Variants in PCDHGB7 observed in about 807,000 individuals in gnomAD.
PCDHGB7 encodes protocadherin gamma subfamily B, 7, also known as protocadherin gamma-B7.
PCDHGB7 carries 37 observed loss-of-function variants against 61.4 expected under a neutral mutation model. That is an observed-to-expected ratio of 0.60 (90% CI 0.46 to 0.79). The LOEUF is 0.79. Ranked by LOEUF, PCDHGB7 falls within the 30% of genes least tolerant of loss-of-function variation. PCDHGB7 has a pLI of 0.00. For synonymous variants in PCDHGB7, 464 were observed against 503.5 expected (o/e 0.92, Z 1.05); for missense variants, 1,166 against 1,202.5 (o/e 0.97, Z 0.45).
chr5:141,498,065 G>C (rs1197771947), intron 2 of PCDHGB7, among the ~76,000 whole-genome samples: 1 of 152,220 alleles, frequency 6.6e-6, no homozygotes, highest in Non-Finnish European at 1.5e-5. Context: ...GACTGAAACT[G>C]TCATAAGTGC....
Position 141,489,980 on chromosome 5 carries a change from T to G in PCDHGB7, c.2416-4827T>G, listed in dbSNP as rs2099694325. 1.2e-6 allele frequency: 2 copies of G among 1,614,204 alleles called. No individual in the cohort carries two copies. The highest frequency in any genetic ancestry group is 1.7e-6 in the Non-Finnish European group (2 of 1,180,012). On this transcript the variant is annotated intron_variant, in intron 1 of 3. Transcript: ENST00000398594. This position sits in a 1 kb window ranked among gnomAD's most constrained non-coding sequence, Gnocchi z 4.5. ...GCTCCAACCTTCCAATCCTCAGTTC[T>G]ACGTGTGGGAATCCCAGAGAATGCA...
chr5:141,491,763 T>C lies in PCDHGB7; in HGVS notation c.2416-3044T>C. 1 of 1,570,222 alleles carries C rather than the reference T, an allele frequency of 6.4e-7. No homozygotes were observed. Among genetic ancestry groups the C allele is most frequent in the Non-Finnish European group, 8.6e-7 (1 of 1,159,286 alleles). Reference sequence around the variant, plus strand: ...GCGGCACTGGAGAAGCCGCCCGTCCTCATAAGGGATTGAACTTGCATCCAC... The same window carrying C: ...GCGGCACTGGAGAAGCCGCCCGTCCCCATAAGGGATTGAACTTGCATCCAC... On this transcript the variant is annotated intron_variant, in intron 1 of 3. Coordinates refer to ENST00000398594, the MANE Select transcript of PCDHGB7 (RefSeq NM_018927.4). The surrounding 1 kb of genome is among the most constrained non-coding windows in gnomAD (Gnocchi z 6.9).
chr5:141,461,167 C>T (rs917796588), intron 1 of PCDHGB7, among the ~76,000 whole-genome samples: 2 of 151,968 alleles, frequency 1.3e-5, no homozygotes, highest in Non-Finnish European at 2.9e-5. Context: ...AGTGGGATTG[C>T]TGGATTGAAT....
chr5:141,450,675 CG>C (rs2098689980), intron 1 of PCDHGB7, among the ~76,000 whole-genome samples: 1 of 151,614 alleles, frequency 6.6e-6, no homozygotes, highest in Non-Finnish European at 1.5e-5. Flanking sequence ...TTAGTAGAAA[CG>C]GGGTTTTGCC....
rs1399367534 is a variant in PCDHGB7 at position 141,487,098 on chromosome 5, A to G, written c.2416-7709A>G. 6.2e-7 allele frequency: 1 copy of G among 1,613,778 alleles called. No homozygotes were observed. The highest frequency in any genetic ancestry group is 8.5e-7 in the Non-Finnish European group (1 of 1,179,788). On this transcript the variant is annotated intron_variant, in intron 1 of 3. Transcript: ENST00000398594. The surrounding 1 kb of genome is among the most constrained non-coding windows in gnomAD (Gnocchi z 5.0). ...ATCCCAGCTGACCTCCCACCACAGA[A>G]GCTGGTCATTGTGGTAAAGGATAGT...
At position 141,511,199 on chromosome 5, in the gene PCDHGB7, G is replaced by C. The variant is rs1303066281; in HGVS notation, c.*26G>C. On this transcript the variant is annotated 3_prime_UTR_variant, in exon 4 of 4. Coordinates refer to ENST00000398594, the MANE Select transcript of PCDHGB7 (RefSeq NM_018927.4). The stretch of plus-strand genomic sequence containing the variant: ...CATGGAGGCCAGGCCAAGAGCCACA[G>C]GGCGGCCTCTCCCCAACCAGCCCAG... 6.2e-6 allele frequency: 10 copies of C among 1,612,868 alleles called. No individual in the cohort carries two copies. In the East Asian group the frequency reaches 2.2e-4, roughly 36 times the overall value.
Position 141,418,592 on chromosome 5 carries a change from G to A in PCDHGB7, c.733G>A (p.Asp245Asn), listed in dbSNP as rs772314584. ...ANDNPPVFSQ[D>N]VYRVSLREDV... Reference sequence around the variant, plus strand: ...TGACAACCCCCCAGTGTTCAGCCAGGACGTGTACAGGGTTAGCCTTCGGGA... The same window carrying A: ...TGACAACCCCCCAGTGTTCAGCCAGAACGTGTACAGGGTTAGCCTTCGGGA... The change falls in exon 1 of 4, where the codon GAC (aspartate) becomes AAC (asparagine). Residue 245 changes from aspartate (D) to asparagine (N), a missense_variant. Transcript: ENST00000398594. 18 of 1,614,020 alleles carry A rather than the reference G, an allele frequency of 1.1e-5. No homozygotes were observed. The highest frequency in any genetic ancestry group is 1.5e-5 in the Non-Finnish European group (18 of 1,179,902).
chr5:141,423,150 G>A, intron 1 of PCDHGB7: 1 of 1,613,538 alleles, frequency 6.2e-7, no homozygotes, highest in Non-Finnish European at 8.5e-7. Flanking sequence ...CGCTCAAGCA[G>A]AGCCTCGTGG....
intron 1 of PCDHGB7, chr5:141,433,070 C>T: frequency 6.2e-7 from 1 of 1,614,174 alleles, no homozygotes; most frequent in Non-Finnish European, 8.5e-7. Flanking sequence ...CCTGATCTTC[C>T]CCCAGCCCAA....
intron 1 of PCDHGB7, among the ~76,000 whole-genome samples, chr5:141,461,001 A>C (rs1309762345): frequency 6.7e-6 from 1 of 150,320 alleles, no homozygotes; most frequent in Admixed American, 6.7e-5. Context: ...ATATATGTGT[A>C]TATATATATA....
At position 141,487,370 on chromosome 5, in the gene PCDHGB7, T is replaced by C; in HGVS notation, c.2416-7437T>C. 6.2e-7 allele frequency: 1 copy of C among 1,614,232 alleles called. No individual in the cohort carries two copies. Among genetic ancestry groups the C allele is most frequent in the South Asian group, 1.1e-5 (1 of 91,080 alleles). On this transcript the variant is annotated intron_variant, in intron 1 of 3. Transcript: ENST00000398594. The surrounding 1 kb of genome is among the most constrained non-coding windows in gnomAD (Gnocchi z 5.0). ...ATGCTTTCCTGCTGGCACCTGTGCC[T>C]GTCTCACCAGATCTCGAAGGAGGGA... is the stretch of plus-strand genomic sequence containing the variant.
rs201409669 is a variant in PCDHGB7 at position 141,490,703 on chromosome 5, G to A, written c.2416-4104G>A. The stretch of plus-strand genomic sequence containing the variant: ...GATCCAGACACTGGGGATAATGCCC[G>A]CCTCACCTACTCCATTGTAGGAAAT... On this transcript the variant is annotated intron_variant, in intron 1 of 3. Coordinates refer to ENST00000398594, the MANE Select transcript of PCDHGB7 (RefSeq NM_018927.4). This position sits in a 1 kb window ranked among gnomAD's most constrained non-coding sequence, Gnocchi z 5.4. 2.6e-4 allele frequency: 421 copies of A among 1,614,106 alleles called. No homozygotes were observed. Among genetic ancestry groups the A allele is most frequent in the Middle Eastern group, 6.6e-4 (4 of 6,062 alleles).
In PCDHGB7 at chr5:141,417,932, T is replaced by A. The variant is rs1398348549; in HGVS notation, c.73T>A (p.Phe25Ile). The part of the protein sequence containing the change: ...QVLFPLLLPL[F>I]YPTLCEPIRY... Reference sequence around the variant, plus strand: ...ACTATTTCCTTTGCTGCTGCCTTTGTTCTACCCCACGCTGTGTGAGCCGAT... The same window carrying A: ...ACTATTTCCTTTGCTGCTGCCTTTGATCTACCCCACGCTGTGTGAGCCGAT... The change falls in exon 1 of 4, where the codon TTC becomes ATC. Residue 25 changes from phenylalanine (F) to isoleucine (I), a missense_variant. By Grantham distance (21) the Phe-to-Ile change is conservative. Coordinates refer to ENST00000398594, the MANE Select transcript of PCDHGB7 (RefSeq NM_018927.4). The A allele has an allele frequency of 1.2e-6, 2 of 1,611,670 alleles. No homozygotes were observed. Among genetic ancestry groups the A allele is most frequent in the East Asian group, 4.5e-5 (2 of 44,862 alleles).
chr5:141,421,443 G>A (rs1561793987), intron 1 of PCDHGB7: 4 of 1,614,106 alleles, frequency 2.5e-6, no homozygotes, highest in Non-Finnish European at 2.5e-6. Flanking sequence ...CCAGAGGGAA[G>A]ACACAGCTTT....
At chr5:141,504,364 G>A (rs764741297) in intron 2 of PCDHGB7, among the ~76,000 whole-genome samples, 2 of 152,116 alleles carry the variant, frequency 1.3e-5, no homozygotes, top group African/African-American at 2.4e-5. Flanking sequence ...GCTTCAGTAG[G>A]AAGCAGGTGG....
chr5:141,447,954 C>T (rs927510517), intron 1 of PCDHGB7, among the ~76,000 whole-genome samples: 11 of 151,814 alleles, frequency 7.2e-5, no homozygotes, highest in Non-Finnish European at 1.2e-4. Flanking sequence ...GGCATGGTGG[C>T]GGACACCTAT....
intron 1 of PCDHGB7, among the ~76,000 whole-genome samples, chr5:141,482,356 G>A (rs1330274684): frequency 6.6e-6 from 1 of 152,118 alleles, no homozygotes; most frequent in Non-Finnish European, 1.5e-5. Flanking sequence ...TGTTGTGAGA[G>A]TGAAAAGTAA....
rs765756193 is a variant in PCDHGB7, at chr5:141,511,105, C to T, written c.2722C>T (p.Arg908Trp). The T allele has an allele frequency of 2.8e-5, 46 of 1,614,196 alleles. No individual in the cohort carries two copies. In the East Asian group the frequency reaches 3.1e-4, roughly 11 times the overall value. Residue 908 changes from arginine to tryptophan, a missense_variant, in exon 4 of 4, where the codon CGG becomes TGG. Transcript: ENST00000398594. ...CACACTGACCAACGCAGCTGGCAAG[C>T]GGGATGGCAAGGCCCCAGCAGGTGG... ...NATLTNAAGK[R>W]DGKAPAGGNG...
chr5:141,487,041 G>T lies in PCDHGB7; in HGVS notation c.2416-7766G>T, dbSNP rs149314216. Reference sequence around the variant, plus strand: ...GATCCCAGCCTGTTTGCAGTCTCTCGATATGCTGGGGAGGTGCGGACGGCT... The same window carrying T: ...GATCCCAGCCTGTTTGCAGTCTCTCTATATGCTGGGGAGGTGCGGACGGCT... On this transcript the variant is annotated intron_variant, in intron 1 of 3. Transcript: ENST00000398594. This position sits in a 1 kb window ranked among gnomAD's most constrained non-coding sequence, Gnocchi z 5.0. 6.2e-7 allele frequency: 1 copy of T among 1,614,132 alleles called. No homozygotes were observed. The highest frequency in any genetic ancestry group is 8.5e-7 in the Non-Finnish European group (1 of 1,180,030).
Sources: allele counts gnomAD v4.1 joint callset (sites outside exome capture counted in the v4.1 genomes callset), GRCh38; gene constraint gnomAD v4.1.1; non-coding constraint Gnocchi (gnomAD v3.1); transcripts MANE v1.5; gene names NCBI Gene and HGNC (gene_info 2026-07-23, HGNC 2026-07-21).